CDC42BPA: variants seen among roughly 807,000 people sequenced by gnomAD.
CDC42BPA encodes serine/threonine-protein kinase MRCK alpha.
In CDC42BPA, 80 loss-of-function variants were observed where a neutral mutation model predicts 223.5. The observed-to-expected ratio is 0.36, with a 90% CI of 0.30 to 0.43. CDC42BPA has a LOEUF of 0.43. Ranked by LOEUF, CDC42BPA falls within the 20% of genes least tolerant of loss-of-function variation. The probability of loss-of-function intolerance (pLI) is 1.00; values close to 1 mark genes in which losing one functional copy is unlikely to be tolerated. For synonymous variants in CDC42BPA, 694 were observed against 718.6 expected, an observed-to-expected ratio of 0.97 and a Z score of 0.55; for missense variants, 1,743 against 2,099.9, an observed-to-expected ratio of 0.83 and a Z score of 3.32.
At chr1:227,302,366 C>T (rs1334404409) in intron 1 of CDC42BPA, among the ~76,000 whole-genome samples, 1 of 152,150 alleles carries the variant, frequency 6.6e-6, no homozygotes, top group African/African-American at 2.4e-5. Flanking sequence ...TAAAAATGTC[C>T]TTATCCCGCC....
intron 5 of CDC42BPA, among the ~76,000 whole-genome samples, chr1:227,193,064 T>TTTG (rs1669988178): frequency 2.3e-5 from 2 of 88,074 alleles, no homozygotes; most frequent in Non-Finnish European, 4.6e-5. Flanking sequence ...AAGTGAGAAC[T>TTTG]TTTTTTTTTT....
At chr1:227,048,325 G>T (rs1364706837) in intron 22 of CDC42BPA, among the ~76,000 whole-genome samples, 4 of 151,748 alleles carry the variant, frequency 2.6e-5, no homozygotes, top group African/African-American at 9.7e-5. Context: ...TAAATATGAG[G>T]ATATTAATTT....
At chr1:227,065,753 T>C (rs1232307240) in intron 21 of CDC42BPA, among the ~76,000 whole-genome samples, 1 of 152,172 alleles carries the variant, frequency 6.6e-6, no homozygotes, top group Admixed American at 6.5e-5. Flanking sequence ...GGAGAGGCAC[T>C]GGTGGTAAAG....
chr1:227,113,050 T>G (rs937507175), intron 12 of CDC42BPA, 137 bp from the exon 13 acceptor site: 7 of 761,064 alleles, frequency 9.2e-6, no homozygotes, highest in Non-Finnish European at 1.5e-5. Context: ...ATAAACTACT[T>G]CTGAACAGAT....
intron 1 of CDC42BPA, among the ~76,000 whole-genome samples, chr1:227,271,154 CAATA>C (rs1419306759): frequency 1.1e-4 from 17 of 152,100 alleles, no homozygotes; most frequent in African/African-American, 3.9e-4. Flanking sequence ...TAAAATGGCT[CAATA>C]AATGTTAATT....
At chr1:227,068,660 C>CA (rs1188099600) in intron 21 of CDC42BPA, 6 of 1,196,830 alleles carry the variant, frequency 5.0e-6, no homozygotes, top group Admixed American at 3.1e-5. Flanking sequence ...TTACGTCATC[C>CA]AAAAAATCAA....
At chr1:227,236,886 T>C (rs991433440) in intron 2 of CDC42BPA, among the ~76,000 whole-genome samples, 3 of 151,738 alleles carry the variant, frequency 2.0e-5, no homozygotes, top group African/African-American at 7.3e-5. Context: ...CTACAAAAAA[T>C]ACAAAAGTTA....
chr1:227,304,771 G>A (rs1692269009), intron 1 of CDC42BPA, among the ~76,000 whole-genome samples: 1 of 152,162 alleles, frequency 6.6e-6, no homozygotes, highest in Admixed American at 6.5e-5. Flanking sequence ...TTTATAGCTG[G>A]AGTAAAAGAT....
At position 227,035,583 on chromosome 1, in the gene CDC42BPA, G is replaced by C. The variant is rs1467649026; in HGVS notation, c.3224C>G (p.Thr1075Ser). ...AGTGGTTGGAGCTTTGTTTACACAA[G>C]TTATATGGCATGAGAATCCACACAC... is the stretch of plus-strand genomic sequence containing the variant. ...CEVCGFSCHI[T>S]CVNKAPTTCP... The change falls in exon 25 of 37, where the codon ACT (threonine) becomes AGT (serine). Residue 1075 changes from threonine to serine, a missense_variant. By Grantham distance (58) the Thr-to-Ser change is moderately conservative. Around this residue, in one of 6 missense-constraint regions of CDC42BPA, gnomAD observed 678 missense variants for 777.5 expected, o/e 0.87. Coordinates refer to ENST00000366766, the MANE Select transcript of CDC42BPA (RefSeq NM_001394014.1). The C allele has an allele frequency of 6.3e-7, 1 of 1,598,120 alleles. No homozygotes were observed. The highest frequency in any genetic ancestry group is 8.5e-7 in the Non-Finnish European group (1 of 1,176,354).
chr1:227,254,971 A>T (rs1682797233), intron 1 of CDC42BPA, among the ~76,000 whole-genome samples: 1 of 152,168 alleles, frequency 6.6e-6, no homozygotes, highest in South Asian at 2.1e-4. Context: ...ATGGTAAATA[A>T]TCCATGGTAA....
intron 34 of CDC42BPA, among the ~76,000 whole-genome samples, chr1:227,009,248 A>T (rs12409755): frequency 0.38 from 57,297 of 152,026 alleles, 11,461 homozygotes; most frequent in Non-Finnish European, 0.46. Context: ...CGCTAGAGTT[A>T]AATAAACTTC....
At chr1:227,085,227 C>G (rs1681613281) in intron 16 of CDC42BPA, among the ~76,000 whole-genome samples, 1 of 152,150 alleles carries the variant, frequency 6.6e-6, no homozygotes, top group South Asian at 2.1e-4. Context: ...GGTTCTGTTT[C>G]TCTGTGGAAC....
At chr1:227,227,334 T>C (rs1281751858) in intron 2 of CDC42BPA, among the ~76,000 whole-genome samples, 1 of 152,176 alleles carries the variant, frequency 6.6e-6, no homozygotes, top group East Asian at 1.9e-4. Flanking sequence ...AACTTATAAA[T>C]CACATTGTAA....
chr1:227,086,283 C>A (rs1249384985), intron 16 of CDC42BPA, among the ~76,000 whole-genome samples: 1 of 152,074 alleles, frequency 6.6e-6, no homozygotes, highest in African/African-American at 2.4e-5. Flanking sequence ...GAATATTATG[C>A]TATGAAAATT....
At chr1:227,020,250 G>C (rs140803797) in intron 32 of CDC42BPA, among the ~76,000 whole-genome samples, 72 of 152,256 alleles carry the variant, frequency 4.7e-4, no homozygotes, top group African/African-American at 1.6e-3. Context: ...AATGAGTACT[G>C]GCTTCAACGT....
chr1:227,157,344 T>A (rs1310220624), intron 6 of CDC42BPA, among the ~76,000 whole-genome samples: 3 of 152,214 alleles, frequency 2.0e-5, no homozygotes, highest in Non-Finnish European at 4.4e-5. Context: ...AGATGTCTAA[T>A]TCACTCTCAT....
intron 2 of CDC42BPA, among the ~76,000 whole-genome samples, chr1:227,214,161 G>A (rs76696609): frequency 0.011 from 1,662 of 151,666 alleles, 14 homozygotes; most frequent in Middle Eastern, 0.041. Flanking sequence ...TCTTCAAACT[G>A]CTGTTCAACG....
intron 23 of CDC42BPA, among the ~76,000 whole-genome samples, chr1:227,045,026 G>C (rs1234627298): frequency 6.6e-6 from 1 of 152,120 alleles, no homozygotes; most frequent in Non-Finnish European, 1.5e-5. Flanking sequence ...TTGACCTGAA[G>C]ACAACCCTGC....
chr1:227,127,536 A>T (rs1656083008), intron 11 of CDC42BPA, among the ~76,000 whole-genome samples: 1 of 152,236 alleles, frequency 6.6e-6, no homozygotes, highest in Admixed American at 6.5e-5. Context: ...AAGACGAATC[A>T]CTGACCATTC....
Sources: allele counts gnomAD v4.1 joint callset (sites outside exome capture counted in the v4.1 genomes callset), GRCh38; gene constraint gnomAD v4.1.1; regional missense constraint gnomAD v4.1.1; transcripts MANE v1.5; gene names NCBI Gene and HGNC (gene_info 2026-07-23, HGNC 2026-07-21).